SRI: variants seen among roughly 807,000 people sequenced by gnomAD.
SRI encodes 22 kDa protein.
In SRI, 30 loss-of-function variants were observed where a neutral mutation model predicts 33.3. That is an observed-to-expected ratio of 0.90 (90% CI 0.67 to 1.22). The LOEUF (loss-of-function observed/expected upper bound fraction) is 1.22, where lower values mean the gene tolerates loss of function less well. SRI is among the 50% of genes most tolerant of loss of function. SRI has a pLI of 0.00. For missense variants in SRI, 243 were observed against 250.8 expected, an observed-to-expected ratio of 0.97 and a Z score of 0.21; for synonymous variants, 75 against 89.9, an observed-to-expected ratio of 0.83 and a Z score of 0.94.
At chr7:88,217,059 A>G in intron 3 of SRI, 63 bp downstream of exon 3, 1 of 1,447,288 alleles carries the variant, frequency 6.9e-7, no homozygotes, top group Non-Finnish European at 9.7e-7. Flanking sequence ...TGTAATCACA[A>G]GTAACAGCTA....
Position 88,218,959 on chromosome 7 carries a change from A to C in SRI, c.52-17T>G. The C allele has an allele frequency of 6.2e-7, 1 of 1,609,358 alleles. No individual in the cohort carries two copies. Among genetic ancestry groups the C allele is most frequent in the Non-Finnish European group, 8.5e-7 (1 of 1,175,822 alleles). On this transcript the variant is annotated splice_polypyrimidine_tract_variant and intron_variant, in intron 1 of 7. Coordinates refer to ENST00000265729, the MANE Select transcript of SRI (RefSeq NM_003130.4). ...CCCTCCATACTGTGAAACAGGAAAC[A>C]CATACACGTCATTCTGCCGAATCAA... is the stretch of plus-strand genomic sequence containing the variant.
intron 3 of SRI, among the ~76,000 whole-genome samples, chr7:88,211,663 T>TTCAATG (rs1347700758): frequency 6.6e-6 from 1 of 152,216 alleles, no homozygotes; most frequent in Non-Finnish European, 1.5e-5. Flanking sequence ...CTATTTTCCC[T>TTCAATG]TCAATGTCAG....
chr7:88,214,677 A>T (rs536838253), intron 3 of SRI: 1 of 209,338 alleles, frequency 4.8e-6, no homozygotes, highest in South Asian at 1.7e-4. Flanking sequence ...CGTAAATGTA[A>T]CTACATATAA....
chr7:88,212,565 C>A (rs1410526881), intron 3 of SRI, among the ~76,000 whole-genome samples: 1 of 152,150 alleles, frequency 6.6e-6, no homozygotes, highest in Non-Finnish European at 1.5e-5. Context: ...TCAGATGATT[C>A]TAGTGAGCAG....
At chr7:88,222,899 A>G (rs887923587), upstream of SRI, among the ~76,000 whole-genome samples, 74 of 152,052 alleles carry the variant, frequency 4.9e-4, 2 homozygotes, top group Non-Finnish European at 8.8e-5. Context: ...TAAAAACCCT[A>G]GAAGAAAACC....
chr7:88,217,440 T>C (rs1851758140), intron 2 of SRI, among the ~76,000 whole-genome samples: 1 of 152,230 alleles, frequency 6.6e-6, no homozygotes, highest in African/African-American at 2.4e-5. Context: ...CAATCTGAGC[T>C]AGCAAACTGC....
intron 3 of SRI, among the ~76,000 whole-genome samples, chr7:88,213,471 C>T (rs1426193588): frequency 6.6e-6 from 1 of 152,218 alleles, no homozygotes; most frequent in African/African-American, 2.4e-5. Flanking sequence ...ACCTAGGACA[C>T]AACTTCCCCA....
At chr7:88,218,730 CT>C (rs201990001) in intron 2 of SRI, 128 bp downstream of exon 2, 117 of 781,892 alleles carry the variant, frequency 1.5e-4, no homozygotes, top group Admixed American at 3.9e-4. Context: ...TAAGAAACAA[CT>C]TTTTTTTTCT....
rs746699895 is a variant in SRI at position 88,214,848 on chromosome 7, T to G, written c.205+2274A>C. 10 of 1,258,320 alleles carry G rather than the reference T, an allele frequency of 7.9e-6. No individual in the cohort carries two copies. The South Asian group carries it at 1.3e-4, about 16-fold the overall frequency. 77.9% of individuals were successfully genotyped at this position (1,258,320 alleles called of 1,614,324 possible). ...TTCTACTAGAATGCCTCAAACATCT[T>G]TTCTTCTCACAGAAACATACAATAT... On this transcript the variant is annotated intron_variant, in intron 3 of 7. Coordinates refer to ENST00000265729, the MANE Select transcript of SRI (RefSeq NM_003130.4).
chr7:88,206,271 G>A lies in SRI; in HGVS notation c.*207C>T. ...ATGGCTCAGGAAAGTTCTAAATGGT[G>A]TAACAGACTAGATCTTATTAAAGTT... On this transcript the variant is annotated 3_prime_UTR_variant, in exon 8 of 8. Coordinates refer to ENST00000265729, the MANE Select transcript of SRI (RefSeq NM_003130.4). 3.2e-6 allele frequency: 2 copies of A among 627,062 alleles called. No homozygotes were observed. The highest frequency in any genetic ancestry group is 1.9e-5 in the South Asian group (1 of 51,726). 38.8% of individuals were successfully genotyped at this position (627,062 alleles called of 1,614,324 possible).
chr7:88,217,197 GA>G lies in SRI; in HGVS notation c.136-7del. 2 of 1,608,394 alleles carry G rather than the reference GA, an allele frequency of 1.2e-6. No homozygotes were observed. The highest frequency in any genetic ancestry group is 1.7e-6 in the Non-Finnish European group (2 of 1,178,086). ...TCAGCATCTATCTGCCCATCCTTTTGAAAAAAAATTAGAGGAATCATAATAG... is the reference window on the plus strand; with the variant it reads ...TCAGCATCTATCTGCCCATCCTTTTGAAAAAAATTAGAGGAATCATAATAG... On this transcript the variant is annotated splice_region_variant and splice_polypyrimidine_tract_variant and intron_variant, in intron 2 of 7. Transcript: ENST00000265729.
chr7:88,224,414 T>G (rs979313604), upstream of SRI, among the ~76,000 whole-genome samples: 3 of 152,240 alleles, frequency 2.0e-5, no homozygotes, highest in Admixed American at 6.5e-5. Flanking sequence ...AGGTCTTCAC[T>G]TGTTAGGAAG....
chr7:88,218,364 C>T (rs911243638), intron 2 of SRI, among the ~76,000 whole-genome samples: 5 of 152,188 alleles, frequency 3.3e-5, no homozygotes, highest in African/African-American at 1.2e-4. Context: ...ACAGCATCTG[C>T]ATCAAAGAGA....
intron 2 of SRI, among the ~76,000 whole-genome samples, chr7:88,217,785 C>A (rs768912906): frequency 3.3e-5 from 5 of 152,142 alleles, no homozygotes; most frequent in East Asian, 1.9e-4. Flanking sequence ...AATGGGTATG[C>A]TGAATACAGG....
chr7:88,222,888 A>T (rs191191501), upstream of SRI, among the ~76,000 whole-genome samples: 544 of 152,242 alleles, frequency 3.6e-3, 5 homozygotes, highest in Non-Finnish European at 5.6e-3. Context: ...ACCTAAAACC[A>T]TAAAAACCCT....
At chr7:88,220,088 G>T, upstream of SRI, 1 of 1,453,998 alleles carries the variant, frequency 6.9e-7, no homozygotes, top group African/African-American at 1.5e-5. Context: ...CCCCTGCCCC[G>T]CCCCGCCCTG....
At chr7:88,218,647 AAC>A in intron 2 of SRI, 2 of 511,208 alleles carry the variant, frequency 3.9e-6, no homozygotes, top group Non-Finnish European at 7.0e-6. Flanking sequence ...TTTGCTTTCG[AAC>A]TGAACTCACA....
At chr7:88,219,838 C>G (rs900010199) in intron 1 of SRI, 138 bp downstream of exon 1, 3 of 1,066,430 alleles carry the variant, frequency 2.8e-6, no homozygotes, top group African/African-American at 1.7e-5. Flanking sequence ...AGGCCGCGAG[C>G]GCAGGGAGAA....
At chr7:88,217,660 G>C (rs1379713053) in intron 2 of SRI, among the ~76,000 whole-genome samples, 1 of 152,068 alleles carries the variant, frequency 6.6e-6, no homozygotes, top group Non-Finnish European at 1.5e-5. Context: ...TGGCTGAACT[G>C]GGAAAGAACT....
Sources: gnomAD v4.1 joint callset for allele counts (sites outside exome capture counted in the v4.1 genomes callset) on GRCh38, gnomAD v4.1.1 for gene constraint, MANE v1.5 for transcripts, NCBI Gene and HGNC (gene_info 2026-07-23, HGNC 2026-07-21) for gene names.